Variants in ANKRD31 observed in about 807,000 individuals in gnomAD.
ANKRD31 encodes the protein ankyrin repeat domain 31.
ANKRD31 carries 147 observed loss-of-function variants against 186.0 expected under a neutral mutation model. That is an observed-to-expected ratio of 0.79 (90% CI 0.69 to 0.91). ANKRD31 has a LOEUF of 0.91. ANKRD31 is among the 40% of genes least tolerant of loss of function. The pLI, the probability that ANKRD31 is intolerant of heterozygous loss-of-function variation, is 0.00. For missense variants in ANKRD31, 1,986 were observed against 2,148.8 expected (o/e 0.92, Z 1.50); for synonymous variants, 673 against 736.4 (o/e 0.91, Z 1.39).
intron 6 of ANKRD31, among the ~76,000 whole-genome samples, chr5:75,196,729 G>T (rs764983621): frequency 2.6e-5 from 4 of 152,116 alleles, no homozygotes; most frequent in Non-Finnish European, 4.4e-5. Flanking sequence ...TGAGGGTACA[G>T]TTATGTATAA....
rs113959387 is a variant in ANKRD31 at position 75,222,393 on chromosome 5, A to C, written c.179-35T>G. 66 of 1,439,804 alleles carry C rather than the reference A, an allele frequency of 4.6e-5. No homozygotes were observed. In the African/African-American group the frequency reaches 6.2e-4, roughly 14 times the overall value. The allele number at this position is 1,439,804 out of a possible 1,614,324, so 89.2% of individuals were successfully genotyped here. A position where few individuals can be genotyped will look rare whatever the true frequency, so the allele number is the denominator to read the frequency against. On this transcript the variant is annotated intron_variant, in intron 2 of 25. Transcript: ENST00000506364. ...AACATAATCATAAATCATTTACAAC[A>C]GTTTTATTGCTCTGCTTTGATAATG...
chr5:75,169,815 T>C (rs544282954), intron 10 of ANKRD31, among the ~76,000 whole-genome samples: 2 of 152,272 alleles, frequency 1.3e-5, no homozygotes, highest in Middle Eastern at 3.4e-3. Context: ...AGCTTATGTT[T>C]CTTAGTTTTT....
chr5:75,099,590 T>C (rs1561418127), intron 22 of ANKRD31, among the ~76,000 whole-genome samples: 4 of 152,224 alleles, frequency 2.6e-5, no homozygotes, highest in African/African-American at 9.6e-5. Context: ...AGGCTATTAA[T>C]TATTGCTTCA....
intron 12 of ANKRD31, among the ~76,000 whole-genome samples, chr5:75,149,940 T>C (rs1751735215): frequency 6.6e-6 from 1 of 151,938 alleles, no homozygotes; most frequent in African/African-American, 2.4e-5. Context: ...GGGCTTTATT[T>C]TCTCTGAGTT....
intron 22 of ANKRD31, among the ~76,000 whole-genome samples, chr5:75,101,034 T>C (rs1279380643): frequency 1.3e-5 from 2 of 152,204 alleles, no homozygotes; most frequent in African/African-American, 4.8e-5. Flanking sequence ...GTCTTTACAG[T>C]TTGGCATGTT....
At chr5:75,134,891 A>G (rs958981346) in intron 17 of ANKRD31, among the ~76,000 whole-genome samples, 1 of 152,240 alleles carries the variant, frequency 6.6e-6, no homozygotes, top group Non-Finnish European at 1.5e-5. Flanking sequence ...GTAATCAATC[A>G]TATGAACAGA....
chr5:75,195,546 C>T, intron 7 of ANKRD31, 85 bp downstream of exon 7: 1 of 1,150,220 alleles, frequency 8.7e-7, no homozygotes, highest in Non-Finnish European at 1.2e-6. Flanking sequence ...GCTACTTGCT[C>T]CACTGAAAGA....
At chr5:75,196,313 T>A in intron 6 of ANKRD31, 113 bp from the exon 7 acceptor site, 2 of 815,186 alleles carry the variant, frequency 2.5e-6, no homozygotes, top group Non-Finnish European at 3.4e-6. Context: ...TCAAAATTTA[T>A]CATCAACTTT....
At chr5:75,127,012 A>T (rs1749308297) in intron 17 of ANKRD31, among the ~76,000 whole-genome samples, 2 of 151,976 alleles carry the variant, frequency 1.3e-5, no homozygotes. Flanking sequence ...GTGAAACCCC[A>T]TCTCTACTAA....
intron 22 of ANKRD31, among the ~76,000 whole-genome samples, chr5:75,097,360 T>C (rs1055014841): frequency 1.3e-5 from 2 of 152,220 alleles, no homozygotes; most frequent in African/African-American, 4.8e-5. Context: ...TTCTAACTGG[T>C]GTGAGATGGT....
In ANKRD31 at chr5:75,236,838, GGAGGA is replaced by G; in HGVS notation, c.-157_-153del. 1.6e-6 allele frequency: 1 copy of G among 620,738 alleles called. No homozygotes were observed. The highest frequency in any genetic ancestry group is 2.5e-6 in the Non-Finnish European group (1 of 395,276). 38.5% of individuals were successfully genotyped at this position (620,738 alleles called of 1,614,324 possible). On this transcript the variant is annotated 5_prime_UTR_variant, in exon 1 of 26. Transcript: ENST00000506364. ...CCGGGACTTGTCGCAGGGCTGCTGAGGAGGACGCAGGCGGCCGCGAGCGCGGCGGG... is the reference window on the plus strand; with the variant it reads ...CCGGGACTTGTCGCAGGGCTGCTGAGCGCAGGCGGCCGCGAGCGCGGCGGG...
chr5:75,198,369 T>C (rs1755609168), intron 6 of ANKRD31, among the ~76,000 whole-genome samples: 2 of 152,110 alleles, frequency 1.3e-5, no homozygotes, highest in African/African-American at 4.8e-5. Context: ...CTTGATAACA[T>C]ACAAAGCCTA....
intron 2 of ANKRD31, among the ~76,000 whole-genome samples, chr5:75,229,882 AAAAAAC>A (rs1447551497): frequency 1.9e-4 from 16 of 84,910 alleles, no homozygotes; most frequent in African/African-American, 1.5e-3. Flanking sequence ...AAAAAAAAAA[AAAAAAC>A]AAAAAAAACA....
chr5:75,093,359 G>C (rs1355142876), intron 22 of ANKRD31, among the ~76,000 whole-genome samples: 1 of 152,088 alleles, frequency 6.6e-6, no homozygotes, highest in African/African-American at 2.4e-5. Context: ...GCAAGCTCCT[G>C]TAATTCCAGC....
At chr5:75,147,992 C>A (rs1321867669) in intron 13 of ANKRD31, among the ~76,000 whole-genome samples, 1 of 151,738 alleles carries the variant, frequency 6.6e-6, no homozygotes, top group African/African-American at 2.4e-5. Context: ...TTACAAGAAG[C>A]TTTACACAAA....
At chr5:75,089,685 G>A (rs1024065358) in intron 23 of ANKRD31, among the ~76,000 whole-genome samples, 4 of 152,062 alleles carry the variant, frequency 2.6e-5, no homozygotes, top group Admixed American at 2.6e-4. Context: ...TTAAAACTCC[G>A]TTTTCATTTT....
At chr5:75,124,404 C>G (rs1293355557) in intron 17 of ANKRD31, among the ~76,000 whole-genome samples, 1 of 152,076 alleles carries the variant, frequency 6.6e-6, no homozygotes, top group Non-Finnish European at 1.5e-5. Flanking sequence ...GTAGAACTGC[C>G]TTTCAATCCA....
intron 3 of ANKRD31, among the ~76,000 whole-genome samples, chr5:75,215,320 C>T (rs956810752): frequency 2.0e-5 from 3 of 152,132 alleles, no homozygotes; most frequent in Admixed American, 6.5e-5. Context: ...TTCAAAAACA[C>T]TCACAGAATA....
chr5:75,100,941 T>C (rs550363976), intron 22 of ANKRD31, among the ~76,000 whole-genome samples: 1 of 152,332 alleles, frequency 6.6e-6, no homozygotes, highest in African/African-American at 2.4e-5. Flanking sequence ...TTAATATTGT[T>C]ATGTATGAAT....
Sources: gnomAD v4.1 joint callset for allele counts (sites outside exome capture counted in the v4.1 genomes callset) on GRCh38, gnomAD v4.1.1 for gene constraint, MANE v1.5 for transcripts, NCBI Gene and HGNC (gene_info 2026-07-23, HGNC 2026-07-21) for gene names.